RNF130: variants seen among roughly 807,000 people sequenced by gnomAD.
The protein encoded by RNF130 is E3 ubiquitin-protein ligase RNF130.
A neutral mutation model predicts 44.6 loss-of-function variants in RNF130; 21 were observed. The observed-to-expected ratio is 0.47, with a 90% CI of 0.33 to 0.68. The LOEUF (loss-of-function observed/expected upper bound fraction) is 0.68, where lower values mean the gene tolerates loss of function less well. Among genes scored for constraint, RNF130 ranks in the 30% least tolerant of loss-of-function variants. The pLI is 0.02. For missense variants in RNF130, 479 were observed against 560.6 expected (o/e 0.85, Z 1.47); for synonymous variants, 214 against 210.4 (o/e 1.02, Z -0.15).
intron 7 of RNF130, among the ~76,000 whole-genome samples, chr5:179,922,434 T>G (rs1223889083): frequency 6.6e-6 from 1 of 152,044 alleles, no homozygotes; most frequent in African/African-American, 2.4e-5. Context: ...TGCCTCAGCC[T>G]CCTAAGTAGC....
Position 180,071,692 on chromosome 5 carries a change from G to A in RNF130, c.11C>T (p.Ala4Val). ...GAGCCGGGCAGGGCCCGCCCGCCCC[G>A]CGCAGCTCATCGTCCCTCCGGCAGC... The part of the protein sequence containing the change: MSC[A>V]GRAGPARLAA... The change falls in exon 1 of 9, where the codon GCG (alanine) becomes GTG (valine). Residue 4 changes from alanine (A) to valine (V), a missense_variant. By Grantham distance (64) the Ala-to-Val change is moderately conservative. Around this residue, in one of 3 missense-constraint regions of RNF130, gnomAD observed 138 missense variants for 126.9 expected, o/e 1.09. Transcript: ENST00000521389. 5.1e-6 allele frequency: 7 copies of A among 1,377,692 alleles called. No homozygotes were observed. The highest frequency in any genetic ancestry group is 5.7e-6 in the Non-Finnish European group (6 of 1,061,084). The allele number at this position is 1,377,692 out of a possible 1,614,324, so 85.3% of individuals were successfully genotyped here.
chr5:179,992,722 T>C (rs1763113839), intron 3 of RNF130, among the ~76,000 whole-genome samples: 1 of 152,186 alleles, frequency 6.6e-6, no homozygotes, highest in Admixed American at 6.5e-5. Context: ...TTATTTTTTA[T>C]GGTTTATTTA....
At chr5:179,914,270 C>T (rs1469317262) in exon 8 of RNF130, 1 of 152,274 alleles carries the variant, frequency 6.6e-6, no homozygotes, top group African/African-American at 2.4e-5. Context: ...TGCGATGAGT[C>T]CTTACTCATC....
chr5:179,997,451 G>A (rs1178705083), intron 3 of RNF130, among the ~76,000 whole-genome samples: 1 of 152,188 alleles, frequency 6.6e-6, no homozygotes, highest in Non-Finnish European at 1.5e-5. Flanking sequence ...AGCCTCCCGA[G>A]TAGCTGGGAC....
At chr5:179,964,582 T>A (rs1204981095) in intron 7 of RNF130, among the ~76,000 whole-genome samples, 1 of 152,254 alleles carries the variant, frequency 6.6e-6, no homozygotes, top group Non-Finnish European at 1.5e-5. Context: ...ACAAGCTGTA[T>A]ACAGCATGTG....
chr5:179,918,158 G>A (rs1761579904), exon 8 of RNF130: 1 of 152,154 alleles, frequency 6.6e-6, no homozygotes, highest in Admixed American at 6.6e-5. Flanking sequence ...TCCAGAAAAG[G>A]GTGTCAAGCC....
intron 7 of RNF130, among the ~76,000 whole-genome samples, chr5:179,922,069 G>A (rs995531873): frequency 6.6e-6 from 1 of 151,650 alleles, no homozygotes; most frequent in Non-Finnish European, 1.5e-5. Context: ...CCTACCGGCA[G>A]CCTATGGTAG....
Position 180,071,322 on chromosome 5 carries a change from G to A in RNF130, c.247+134C>T. 3 of 852,790 alleles carry A rather than the reference G, an allele frequency of 3.5e-6. No individual in the cohort carries two copies. In the East Asian group the frequency reaches 1.0e-4, roughly 29 times the overall value. The allele number at this position is 852,790 out of a possible 1,614,324, so 52.8% of individuals were successfully genotyped here. A position where few individuals can be genotyped will look rare whatever the true frequency, so the allele number is the denominator to read the frequency against. On this transcript the variant is annotated intron_variant, in intron 1 of 8. Transcript: ENST00000521389. ...GCAGGCCGGGCTGTCCACGACGGAA[G>A]CCTCGACCCTGGCTGGGGCTGTCGG...
At chr5:179,934,790 T>C (rs143778828) in intron 7 of RNF130, among the ~76,000 whole-genome samples, 260 of 152,268 alleles carry the variant, frequency 1.7e-3, no homozygotes, top group African/African-American at 6.0e-3. Flanking sequence ...TGATCCTCCA[T>C]GCCTCAGCCT....
intron 7 of RNF130, among the ~76,000 whole-genome samples, chr5:179,929,298 A>G (rs1761773445): frequency 6.6e-6 from 1 of 152,124 alleles, no homozygotes; most frequent in Non-Finnish European, 1.5e-5. Context: ...TCAGAACTCT[A>G]TTTTGTTCTG....
chr5:179,912,349 A>G (rs1159891780), exon 8 of RNF130: 4 of 152,238 alleles, frequency 2.6e-5, no homozygotes, highest in Admixed American at 2.6e-4. Flanking sequence ...CATACCTCAA[A>G]TCTCATTTCC....
intron 7 of RNF130, among the ~76,000 whole-genome samples, chr5:179,932,053 T>A (rs932102580): frequency 6.6e-6 from 1 of 152,222 alleles, no homozygotes; most frequent in Admixed American, 6.5e-5. Context: ...TCTCTTGCAA[T>A]AAATTTGTTT....
chr5:179,943,608 G>T (rs966669331), intron 7 of RNF130, among the ~76,000 whole-genome samples: 3 of 152,196 alleles, frequency 2.0e-5, no homozygotes, highest in Non-Finnish European at 2.9e-5. Flanking sequence ...CAAGATAGAT[G>T]TGTCATTATT....
intron 4 of RNF130, among the ~76,000 whole-genome samples, chr5:179,979,791 A>C (rs1295267624): frequency 6.6e-6 from 1 of 152,206 alleles, no homozygotes; most frequent in Non-Finnish European, 1.5e-5. Flanking sequence ...GCAGGTCTTC[A>C]ACTCTCCATG....
At chr5:180,037,843 A>C (rs944776378) in intron 2 of RNF130, among the ~76,000 whole-genome samples, 5 of 152,172 alleles carry the variant, frequency 3.3e-5, no homozygotes, top group African/African-American at 1.2e-4. Context: ...CTGTCTATGA[A>C]TCTAATCACA....
At chr5:179,946,617 G>A (rs1177298601) in intron 7 of RNF130, among the ~76,000 whole-genome samples, 5 of 150,398 alleles carry the variant, frequency 3.3e-5, no homozygotes, top group Non-Finnish European at 7.4e-5. Flanking sequence ...GCAGTGGTGT[G>A]ATCTTGGCTC....
chr5:180,036,678 G>A (rs868644977), intron 2 of RNF130, among the ~76,000 whole-genome samples: 1 of 152,144 alleles, frequency 6.6e-6, no homozygotes, highest in Non-Finnish European at 1.5e-5. Context: ...AGGATTTGCT[G>A]ATCTCTTCAC....
rs533065104 is a variant in RNF130 at position 179,924,501 on chromosome 5, A to AAT, written c.1151-4076_1151-4075insAT. On this transcript the variant is annotated intron_variant, in intron 7 of 7. Coordinates refer to the RNF130 transcript ENST00000522208. Reference sequence around the variant, plus strand: ...CAGAGCAAAACTCTGTCTGAAAAAAAAAAAAATAAATACAGGCTGGGCGCA... The same window carrying AAT: ...CAGAGCAAAACTCTGTCTGAAAAAAAATAAAAAATAAATACAGGCTGGGCGCA... 3.4e-3 allele frequency among the ~76,000 whole-genome samples: 516 copies of AAT among 151,204 alleles called. 3 individuals carry two copies. Among genetic ancestry groups the AAT allele is most frequent in the African/African-American group, 0.012 (503 of 40,912 alleles).
chr5:179,962,175 T>G (rs1762346639), intron 8 of RNF130, among the ~76,000 whole-genome samples: 1 of 152,222 alleles, frequency 6.6e-6, no homozygotes, highest in Non-Finnish European at 1.5e-5. Context: ...GTGGTTCACC[T>G]GCTGGATGAG....
Sources: allele counts gnomAD v4.1 joint callset (sites outside exome capture counted in the v4.1 genomes callset), GRCh38; gene constraint gnomAD v4.1.1; regional missense constraint gnomAD v4.1.1; transcripts MANE v1.5; gene names NCBI Gene and HGNC (gene_info 2026-07-23, HGNC 2026-07-21).